The following KCNK9 variants were observed in gnomAD, a reference collection of about 807,000 sequenced individuals.
The protein encoded by KCNK9 is potassium channel subfamily K member 9.
A neutral mutation model predicts 10.8 loss-of-function variants in KCNK9; 1 was observed. That is an observed-to-expected ratio of 0.09 (90% CI 0.03 to 0.44). The LOEUF (loss-of-function observed/expected upper bound fraction) is 0.44, where lower values mean the gene tolerates loss of function less well. Among genes scored for constraint, KCNK9 ranks in the 20% least tolerant of loss-of-function variants. The pLI is 0.97. For missense variants in KCNK9, 303 were observed against 515.0 expected (o/e 0.59, Z 3.98); for synonymous variants, 231 against 222.7 (o/e 1.04, Z -0.33).
rs567413135 is a variant in KCNK9 at position 139,656,214 on chromosome 8, C to T, written c.284-37115G>A. Among the ~76,000 whole-genome samples the T allele has an allele frequency of 3.3e-5, 5 of 152,268 alleles. No homozygotes were observed. The South Asian group carries it at 1.0e-3, about 32-fold the overall frequency. On this transcript the variant is annotated intron_variant, in intron 1 of 1. Transcript: ENST00000520439. ...TCCAAGTGGCAGCTGTCAGGCCCTC[C>T]CTGCAAGCAGCTTGGTCTTCAGGAG...
chr8:139,644,758 T>C (rs138984481), intron 1 of KCNK9, among the ~76,000 whole-genome samples: 12 of 131,696 alleles, frequency 9.1e-5, no homozygotes, highest in Middle Eastern at 5.0e-3. Context: ...GCTGCTACAA[T>C]CCCAGCATGC....
intron 1 of KCNK9, among the ~76,000 whole-genome samples, chr8:139,649,585 C>T (rs1038993328): frequency 8.5e-5 from 13 of 152,322 alleles, no homozygotes; most frequent in African/African-American, 3.1e-4. Context: ...TCTACTCCCA[C>T]TCCTGGGCCC....
intron 1 of KCNK9, among the ~76,000 whole-genome samples, chr8:139,682,876 G>T (rs1302875748): frequency 6.6e-6 from 1 of 151,222 alleles, no homozygotes; most frequent in African/African-American, 2.4e-5. Flanking sequence ...CATCCCCAGA[G>T]GAAGCCAAAA....
At chr8:139,654,740 A>C (rs1815971823) in intron 1 of KCNK9, among the ~76,000 whole-genome samples, 2 of 152,334 alleles carry the variant, frequency 1.3e-5, no homozygotes, top group African/African-American at 4.8e-5. Flanking sequence ...GCTTACTCAT[A>C]GCCTCTGGGT....
At chr8:139,650,872 C>G (rs1377404217) in intron 1 of KCNK9, among the ~76,000 whole-genome samples, 1 of 152,180 alleles carries the variant, frequency 6.6e-6, no homozygotes, top group Non-Finnish European at 1.5e-5. Context: ...CAGAGGCCAC[C>G]AGCCCCTTGA....
intron 1 of KCNK9, among the ~76,000 whole-genome samples, chr8:139,646,257 C>T (rs565379946): frequency 1.8e-4 from 28 of 152,352 alleles, no homozygotes; most frequent in African/African-American, 6.7e-4. Flanking sequence ...AACCACCTTC[C>T]TCTCCAACCA....
downstream of KCNK9, chr8:139,611,642 C>A (rs1429189897): frequency 6.6e-6 from 1 of 152,230 alleles, no homozygotes; most frequent in Non-Finnish European, 1.5e-5. Context: ...CAAGTATGCT[C>A]CCATAGTCTG....
At chr8:139,612,541 A>AGG (rs2130089602), downstream of KCNK9, 1 of 23,800 alleles carries the variant, frequency 4.2e-5, no homozygotes, top group East Asian at 1.3e-3. Context: ...ACAGTTGTGT[A>AGG]GGGGAATGAG....
chr8:139,643,008 C>G (rs963453873), intron 1 of KCNK9, among the ~76,000 whole-genome samples: 1 of 152,152 alleles, frequency 6.6e-6, no homozygotes, highest in African/African-American at 2.4e-5. Context: ...CCACCGAGGC[C>G]CAGCCTCTGC....
intron 1 of KCNK9, among the ~76,000 whole-genome samples, chr8:139,678,671 G>T (rs1014441382): frequency 6.6e-6 from 1 of 152,242 alleles, no homozygotes; most frequent in Non-Finnish European, 1.5e-5. Context: ...AGGTCCACAG[G>T]TACCTTCCTC....
chr8:139,687,549 CATAT>C (rs1215092480), intron 1 of KCNK9, among the ~76,000 whole-genome samples: 3 of 121,908 alleles, frequency 2.5e-5, no homozygotes, highest in South Asian at 2.5e-4. Flanking sequence ...CACATATATT[CATAT>C]ATATGTATAC....
At chr8:139,690,746 T>G (rs775345187) in intron 1 of KCNK9, among the ~76,000 whole-genome samples, 23 of 152,236 alleles carry the variant, frequency 1.5e-4, no homozygotes, top group Middle Eastern at 3.4e-3. Context: ...AGGAGAGATT[T>G]GGGTTCAAGT....
At chr8:139,621,763 T>C (rs1814788683) in intron 1 of KCNK9, among the ~76,000 whole-genome samples, 1 of 152,086 alleles carries the variant, frequency 6.6e-6, no homozygotes, top group African/African-American at 2.4e-5. Flanking sequence ...GTAGGGTAAA[T>C]ATAAAAGATG....
chr8:139,639,223 C>G (rs1453199927), intron 1 of KCNK9, among the ~76,000 whole-genome samples: 1 of 152,216 alleles, frequency 6.6e-6, no homozygotes, highest in African/African-American at 2.4e-5. Context: ...ACCGAGCACT[C>G]GCTCTGTGAA....
At chr8:139,610,020 C>T (rs993654612), downstream of KCNK9, among the ~76,000 whole-genome samples, 2 of 152,048 alleles carry the variant, frequency 1.3e-5, no homozygotes, top group Non-Finnish European at 2.9e-5. Context: ...ACCCATGTTC[C>T]CTAGACTTGA....
intron 1 of KCNK9, among the ~76,000 whole-genome samples, chr8:139,695,306 T>A (rs1347658548): frequency 6.6e-6 from 1 of 152,152 alleles, no homozygotes; most frequent in Non-Finnish European, 1.5e-5. Flanking sequence ...GATGGTCAGC[T>A]CTCCCTGAAT....
chr8:139,617,091 T>A (rs1006398962), downstream of KCNK9: 3 of 152,222 alleles, frequency 2.0e-5, no homozygotes, highest in Non-Finnish European at 2.9e-5. Flanking sequence ...CTTTACCCTA[T>A]TTACAAATCA....
intron 1 of KCNK9, among the ~76,000 whole-genome samples, chr8:139,645,265 G>C (rs56283753): frequency 2.6e-5 from 4 of 152,006 alleles, no homozygotes; most frequent in Non-Finnish European, 5.9e-5. Flanking sequence ...TGCAAGAAGG[G>C]GTCAGGATCC....
At chr8:139,643,452 C>T (rs1036341778) in intron 1 of KCNK9, among the ~76,000 whole-genome samples, 5 of 152,354 alleles carry the variant, frequency 3.3e-5, no homozygotes, top group Admixed American at 3.3e-4. Context: ...TCCCAGGACT[C>T]ACTGGGGAAG....
Sources: allele counts gnomAD v4.1 joint callset (sites outside exome capture counted in the v4.1 genomes callset), GRCh38; gene constraint gnomAD v4.1.1; transcripts MANE v1.5; gene names NCBI Gene and HGNC (gene_info 2026-07-23, HGNC 2026-07-21).